Variants in ADRA1A observed in about 807,000 individuals in gnomAD.
The protein encoded by ADRA1A is adrenoceptor alpha 1A.
Under a neutral mutation model 29.6 loss-of-function variants are expected in ADRA1A, and 31 were observed. That is an observed-to-expected ratio of 1.05 (90% confidence interval 0.79 to 1.41). The LOEUF is 1.41. ADRA1A is among the 40% of genes most tolerant of loss of function. ADRA1A has a pLI of 0.00. For synonymous variants in ADRA1A, 311 were observed against 254.3 expected (o/e 1.22, Z -2.12); for missense variants, 619 against 601.1 (o/e 1.03, Z -0.31).
chr8:26,813,489 TATCCATCCATCC>T (rs35199156), intron 2 of ADRA1A, among the ~76,000 whole-genome samples: 31 of 149,934 alleles, frequency 2.1e-4, no homozygotes, highest in Non-Finnish European at 3.0e-4. Context: ...CTCTTGCATC[TATCCATCCATCC>T]ATCCATCCAT....
At chr8:26,855,475 T>G (rs1471926111) in intron 2 of ADRA1A, among the ~76,000 whole-genome samples, 1 of 149,418 alleles carries the variant, frequency 6.7e-6, no homozygotes, top group Non-Finnish European at 1.5e-5. Context: ...GATAGGAAAT[T>G]TCACAAGAGG....
chr8:26,813,579 C>A (rs1354477504), intron 2 of ADRA1A, among the ~76,000 whole-genome samples: 1 of 152,016 alleles, frequency 6.6e-6, no homozygotes, highest in Non-Finnish European at 1.5e-5. Context: ...GGCCTGGATC[C>A]CAGGCTGGTG....
At position 26,775,293 on chromosome 8, in the gene ADRA1A, G is replaced by A. The variant is rs1368937155; in HGVS notation, c.884-4627C>T. ...GGCTTGGTTTTCTTTTCTGCGTGAT[G>A]GCTGTAGCCTCATATTATCTCCCAA... is the stretch of plus-strand genomic sequence containing the variant. On this transcript the variant is annotated intron_variant, in intron 2 of 2. Coordinates refer to ENST00000380573, the MANE Select transcript of ADRA1A (RefSeq NM_000680.4). This position sits in a 1 kb window ranked among gnomAD's most constrained non-coding sequence, Gnocchi z 4.1. Among the ~76,000 whole-genome samples the A allele has an allele frequency of 6.6e-6, 1 of 152,186 alleles. No homozygotes were observed. Among genetic ancestry groups the A allele is most frequent in the African/African-American group, 2.4e-5 (1 of 41,454 alleles).
chr8:26,799,698 G>C, intron 2 of ADRA1A, among the ~76,000 whole-genome samples: 1 of 152,130 alleles, frequency 6.6e-6, no homozygotes, highest in Non-Finnish European at 1.5e-5. Flanking sequence ...CCTTCAATGT[G>C]TCATGTATGA....
intron 2 of ADRA1A, among the ~76,000 whole-genome samples, chr8:26,786,229 T>G (rs780576348): frequency 7.6e-6 from 1 of 131,398 alleles, no homozygotes; most frequent in African/African-American, 3.4e-5. Context: ...CTTTTTTATT[T>G]TTATTTTTAA....
chr8:26,842,570 C>T (rs1811898874), intron 2 of ADRA1A, among the ~76,000 whole-genome samples: 1 of 152,108 alleles, frequency 6.6e-6, no homozygotes, highest in African/African-American at 2.4e-5. Context: ...TGAGCAGGTC[C>T]TCATTCAAAC....
chr8:26,785,038 T>C (rs759673335), intron 2 of ADRA1A, among the ~76,000 whole-genome samples: 17 of 152,310 alleles, frequency 1.1e-4, no homozygotes, highest in South Asian at 6.2e-4. Flanking sequence ...TTACAACTTA[T>C]TGAGAAAGCA....
rs1808873037 is a variant in ADRA1A, at chr8:26,805,088, T to G, written c.884-34422A>C. 6.6e-6 allele frequency among the ~76,000 whole-genome samples: 1 copy of G among 152,172 alleles called. No homozygotes were observed. On this transcript the variant is annotated intron_variant, in intron 2 of 2. Coordinates refer to ENST00000380573, the MANE Select transcript of ADRA1A (RefSeq NM_000680.4). The surrounding 1 kb of genome is among the most constrained non-coding windows in gnomAD (Gnocchi z 4.8). The stretch of plus-strand genomic sequence containing the variant: ...TAAAGAGTATGGCTCTGAATTTTGT[T>G]TCTAATGCTGTTGGTTGTTTGCATG...
rs145794522 is a variant in ADRA1A, at chr8:26,775,784, C to T, written c.884-5118G>A. ...TCTGGACACCCTGACCAACTTACGCCGGTCAGACTGAGGTGGATAGAACAG... is the reference window on the plus strand; with the variant it reads ...TCTGGACACCCTGACCAACTTACGCTGGTCAGACTGAGGTGGATAGAACAG... On this transcript the variant is annotated intron_variant, in intron 2 of 2. Transcript: ENST00000380573. This position sits in a 1 kb window ranked among gnomAD's most constrained non-coding sequence, Gnocchi z 4.1. Among the ~76,000 whole-genome samples the T allele has an allele frequency of 5.3e-5, 8 of 152,284 alleles. No homozygotes were observed. Among genetic ancestry groups the T allele is most frequent in the East Asian group, 3.9e-4 (2 of 5,182 alleles).
chr8:26,837,921 A>G (rs1231128932), intron 2 of ADRA1A, among the ~76,000 whole-genome samples: 1 of 152,188 alleles, frequency 6.6e-6, no homozygotes, highest in Non-Finnish European at 1.5e-5. Flanking sequence ...GTCTCTACCA[A>G]AGTAATACGG....
intron 2 of ADRA1A, among the ~76,000 whole-genome samples, chr8:26,859,817 G>A (rs1813316630): frequency 6.6e-6 from 1 of 150,536 alleles, no homozygotes; most frequent in Non-Finnish European, 1.5e-5. Context: ...CACCCAGGCT[G>A]GAGTGCAGTG....
rs911103440 is a variant in ADRA1A at position 26,867,264 on chromosome 8, T to C, written c.-1015A>G. The C allele has an allele frequency of 1.0e-6, 1 of 985,364 alleles. No homozygotes were observed. Among genetic ancestry groups the C allele is most frequent in the African/African-American group, 1.7e-5 (1 of 57,258 alleles). 61.0% of individuals were successfully genotyped at this position (985,364 alleles called of 1,614,324 possible). On this transcript the variant is annotated 5_prime_UTR_variant, in exon 1 of 3. Transcript: ENST00000380573. Reference sequence around the variant, plus strand: ...AGAATAGCAAGGAACTTTGCAGCTCTCGCTGACGTAACTCAGGCAGTAGCC... The same window carrying C: ...AGAATAGCAAGGAACTTTGCAGCTCCCGCTGACGTAACTCAGGCAGTAGCC...
At chr8:26,822,024 C>T (rs1013933469) in intron 2 of ADRA1A, among the ~76,000 whole-genome samples, 2 of 152,100 alleles carry the variant, frequency 1.3e-5, no homozygotes, top group African/African-American at 4.8e-5. Context: ...CAGTTTGGGG[C>T]TATTACAAAT....
chr8:26,822,340 C>G (rs985963366), intron 2 of ADRA1A, among the ~76,000 whole-genome samples: 1 of 152,124 alleles, frequency 6.6e-6, no homozygotes, highest in Admixed American at 6.5e-5. Flanking sequence ...GTTAAATTGT[C>G]TGAGGGCTAA....
intron 2 of ADRA1A, among the ~76,000 whole-genome samples, chr8:26,784,281 C>T (rs936721036): frequency 2.0e-5 from 3 of 152,228 alleles, no homozygotes; most frequent in African/African-American, 4.8e-5. Flanking sequence ...TGTGACCTCA[C>T]ACCAGCCATG....
rs1001719869 is a variant in ADRA1A at position 26,775,040 on chromosome 8, G to A, written c.884-4374C>T. Among the ~76,000 whole-genome samples, 1 of 150,526 alleles carries A rather than the reference G, an allele frequency of 6.6e-6. No homozygotes were observed. Among genetic ancestry groups the A allele is most frequent in the East Asian group, 2.1e-4 (1 of 4,810 alleles). On this transcript the variant is annotated intron_variant, in intron 2 of 2. Coordinates refer to ENST00000380573, the MANE Select transcript of ADRA1A (RefSeq NM_000680.4). This position sits in a 1 kb window ranked among gnomAD's most constrained non-coding sequence, Gnocchi z 4.1. Reference sequence around the variant, plus strand: ...GCTGAACCAGCCTGGTTCAGGGGTGGGTGCCTCTGACCCAGTCACTCTGTG... The same window carrying A: ...GCTGAACCAGCCTGGTTCAGGGGTGAGTGCCTCTGACCCAGTCACTCTGTG...
intron 2 of ADRA1A, among the ~76,000 whole-genome samples, chr8:26,828,154 A>G (rs1488581038): frequency 2.0e-5 from 3 of 152,212 alleles, no homozygotes; most frequent in African/African-American, 7.2e-5. Flanking sequence ...TGGGCCTCCC[A>G]GGGTGCTAAG....
chr8:26,788,464 A>G (rs967943115), intron 2 of ADRA1A, among the ~76,000 whole-genome samples: 2 of 152,154 alleles, frequency 1.3e-5, no homozygotes, highest in African/African-American at 4.8e-5. Context: ...AAGTTTCATG[A>G]TCTCATAACC....
At chr8:26,789,651 A>T (rs1335804536) in intron 2 of ADRA1A, among the ~76,000 whole-genome samples, 2 of 152,202 alleles carry the variant, frequency 1.3e-5, no homozygotes, top group Non-Finnish European at 2.9e-5. Flanking sequence ...CAAAAGCAAA[A>T]ATAGACAAAC....
Sources: allele counts gnomAD v4.1 joint callset (sites outside exome capture counted in the v4.1 genomes callset), GRCh38; gene constraint gnomAD v4.1.1; non-coding constraint Gnocchi (gnomAD v3.1); transcripts MANE v1.5; gene names NCBI Gene and HGNC (gene_info 2026-07-23, HGNC 2026-07-21).